Variants in HSPH1 observed in about 807,000 individuals in gnomAD.
HSPH1 encodes heat shock protein family H (Hsp110) member 1, also known as heat shock protein 105 kDa.
HSPH1 carries 40 observed loss-of-function variants against 100.0 expected under a neutral mutation model. The observed-to-expected ratio is 0.40, with a 90% CI of 0.31 to 0.52. The LOEUF (loss-of-function observed/expected upper bound fraction) is 0.52. Among genes scored for constraint, HSPH1 ranks in the 20% least tolerant of loss-of-function variants. HSPH1 has a pLI of 0.54. For synonymous variants in HSPH1, 403 were observed against 344.0 expected, an observed-to-expected ratio of 1.17 and a Z score of -1.90; for missense variants, 876 against 1,015.1, an observed-to-expected ratio of 0.86 and a Z score of 1.86.
chr13:31,155,002 A>T (rs114860873), intron 3 of HSPH1, among the ~76,000 whole-genome samples: 1 of 152,212 alleles, frequency 6.6e-6, no homozygotes, highest in Admixed American at 6.5e-5. Context: ...GGAGCGGAAG[A>T]AAGCTAGGGC....
chr13:31,158,311 G>C (rs7319250), intron 2 of HSPH1, among the ~76,000 whole-genome samples: 2 of 152,220 alleles, frequency 1.3e-5, no homozygotes, highest in East Asian at 3.9e-4. Context: ...AGCACTTTGG[G>C]AGGCTGAGAC....
intron 2 of HSPH1, 116 bp downstream of exon 2, chr13:31,158,690 T>C: frequency 1.5e-6 from 1 of 661,744 alleles, no homozygotes; most frequent in Non-Finnish European, 2.7e-6. Context: ...ATTACATTTT[T>C]AAAACTCAAA....
rs1593224004 is a variant in HSPH1 at position 31,161,708 on chromosome 13, C to T, written c.-126G>A. On this transcript the variant is annotated 5_prime_UTR_variant, in exon 1 of 18. Transcript: ENST00000320027. ...TCCGGCCCGCGGGGTCTGGCCGTTC[C>T]TCTGACACTCAGAAGGACACACAGA... The T allele has an allele frequency of 1.1e-5, 17 of 1,537,376 alleles. No homozygotes were observed. In the East Asian group the frequency reaches 4.1e-4, roughly 37 times the overall value.
rs1956907183 is a variant in HSPH1 at position 31,161,452 on chromosome 13, CCACCCTCG to C, written c.107+16_107+23del. 1 of 1,613,352 alleles carries C rather than the reference CCACCCTCG, an allele frequency of 6.2e-7. No individual in the cohort carries two copies. The highest frequency in any genetic ancestry group is 1.3e-5 in the African/African-American group (1 of 74,920). Reference sequence around the variant, plus strand: ...CTAAGGGCCCAGAACCTCCTCCCATCCACCCTCGCAGACTCCCACTTACGGGGTGCACC... The same window carrying C: ...CTAAGGGCCCAGAACCTCCTCCCATCCAGACTCCCACTTACGGGGTGCACC... On this transcript the variant is annotated intron_variant, in intron 1 of 17. Coordinates refer to ENST00000320027, the MANE Select transcript of HSPH1 (RefSeq NM_006644.4).
At chr13:31,161,208 C>T (rs1956894413) in intron 1 of HSPH1, among the ~76,000 whole-genome samples, 1 of 152,196 alleles carries the variant, frequency 6.6e-6, no homozygotes, top group Non-Finnish European at 1.5e-5. Flanking sequence ...AATAGGAAGC[C>T]CGCACAAGGT....
rs766688571 is a variant in HSPH1, at chr13:31,148,376, T to C, written c.1242A>G (p.Glu414=). The C allele has an allele frequency of 1.2e-5, 19 of 1,521,684 alleles. No homozygotes were observed. The South Asian group carries it at 1.7e-4, about 14-fold the overall frequency. The allele number at this position is 1,521,684 out of a possible 1,614,324, so 94.3% of individuals were successfully genotyped here. ...GAATGTTATTTTCTGCTACATACCC[T>C]TCAGTATCTTCTGAATCATGGTTCC... is the stretch of plus-strand genomic sequence containing the variant. The part of the protein sequence containing the change: ...LIWNHDSEDT[E]GVHEVFSRNH... The change falls in exon 9 of 18, where the codon GAA becomes GAG. Residue 414 remains glutamate, a splice_region_variant and synonymous_variant. Coordinates refer to ENST00000320027, the MANE Select transcript of HSPH1 (RefSeq NM_006644.4).
At position 31,143,868 on chromosome 13, in the gene HSPH1, T is replaced by C. The variant is rs762781343; in HGVS notation, c.1640A>G (p.Asp547Gly). The change falls in exon 12 of 18, where the codon GAT becomes GGT. Residue 547 changes from aspartate to glycine, a missense_variant. Transcript: ENST00000320027. ...EAGTQPQVQT[D>G]AQQTSQSPPS... ...GGGAGACTGTGAGGTTTGTTGAGCA[T>C]CAGTTTGTACCTGGGGCTGTGTTCC... 2.4e-5 allele frequency: 38 copies of C among 1,611,742 alleles called. No individual in the cohort carries two copies. The South Asian group carries it at 4.2e-4, about 18-fold the overall frequency.
chr13:31,155,966 G>C (rs1410513270), intron 2 of HSPH1, among the ~76,000 whole-genome samples: 2 of 152,086 alleles, frequency 1.3e-5, no homozygotes. Context: ...TATCACTAAA[G>C]CTCTGAACAA....
chr13:31,143,593 C>T (rs1371280274), intron 12 of HSPH1, among the ~76,000 whole-genome samples, 199 bp downstream of exon 12: 1 of 152,090 alleles, frequency 6.6e-6, no homozygotes, highest in African/African-American at 2.4e-5. Flanking sequence ...AAGTTTAAAG[C>T]AGGACATTCA....
At chr13:31,154,496 G>T in intron 4 of HSPH1, 137 bp downstream of exon 4, 1 of 989,030 alleles carries the variant, frequency 1.0e-6, no homozygotes, top group Non-Finnish European at 1.6e-6. Flanking sequence ...GTAATGCTCT[G>T]GAACACATGT....
intron 8 of HSPH1, among the ~76,000 whole-genome samples, chr13:31,149,155 T>C (rs1323014977): frequency 6.6e-6 from 1 of 152,098 alleles, no homozygotes; most frequent in Non-Finnish European, 1.5e-5. Flanking sequence ...TAAGGAGGCA[T>C]ATTCCATTAT....
rs992397608 is a variant in HSPH1 at position 31,137,377 on chromosome 13, G to A, written c.2518C>T (p.His840Tyr). ...DKNNFGAEPP[H>Y]QNGECYPNEK... ...TTAGGGTAACATTCACCATTCTGAT[G>A]TGGAGGTTCAGCACCAAAATTGTTT... is the stretch of plus-strand genomic sequence containing the variant. Residue 840 changes from histidine to tyrosine, a missense_variant, in exon 18 of 18, where the codon CAT becomes TAT. By Grantham distance (83) the His-to-Tyr change is moderately conservative. Transcript: ENST00000320027. The A allele has an allele frequency of 1.2e-6, 2 of 1,613,372 alleles. No individual in the cohort carries two copies. The highest frequency in any genetic ancestry group is 2.7e-5 in the African/African-American group (2 of 74,986).
chr13:31,138,994 A>T lies in HSPH1; in HGVS notation c.2088+6T>A, dbSNP rs1253893480. On this transcript the variant is annotated splice_donor_region_variant and intron_variant, in intron 15 of 17. Transcript: ENST00000320027. ...GTACCACCTTTTGGGGGAGAAAACGACCTACCATTAATTCTTCCAACTTGT... is the reference window on the plus strand; with the variant it reads ...GTACCACCTTTTGGGGGAGAAAACGTCCTACCATTAATTCTTCCAACTTGT... 3 of 1,604,274 alleles carry T rather than the reference A, an allele frequency of 1.9e-6. No homozygotes were observed. Among genetic ancestry groups the T allele is most frequent in the Non-Finnish European group, 1.7e-6 (2 of 1,171,586 alleles).
Position 31,161,566 on chromosome 13 carries a change from A to C in HSPH1, c.17T>G (p.Leu6Trp). 5.0e-6 allele frequency: 8 copies of C among 1,613,310 alleles called. No homozygotes were observed. The highest frequency in any genetic ancestry group is 6.8e-6 in the Non-Finnish European group (8 of 1,179,780). Residue 6 changes from leucine (L) to tryptophan (W), a missense_variant, in exon 1 of 18, where the codon TTG (leucine) becomes TGG (tryptophan). Transcript: ENST00000320027. The part of the protein sequence containing the change: MSVVG[L>W]DVGSQSCYIA... ...GTAGCAGCTCTGCGAGCCCACGTCCAACCCCACCACCGACATGGCCGGCTC... is the reference window on the plus strand; with the variant it reads ...GTAGCAGCTCTGCGAGCCCACGTCCCACCCCACCACCGACATGGCCGGCTC...
At chr13:31,152,344 A>G (rs566524216) in intron 5 of HSPH1, 2 of 152,940 alleles carry the variant, frequency 1.3e-5, no homozygotes, top group African/African-American at 4.8e-5. Context: ...ATCTGTAATC[A>G]TAATAAACTA....
intron 4 of HSPH1, chr13:31,153,887 A>C (rs960591512): frequency 6.6e-6 from 1 of 151,460 alleles, no homozygotes; most frequent in Non-Finnish European, 1.5e-5. Flanking sequence ...CCACTGACTT[A>C]TAACTTAATT....
At chr13:31,146,724 A>G (rs148230308) in intron 10 of HSPH1, among the ~76,000 whole-genome samples, 68 of 152,306 alleles carry the variant, frequency 4.5e-4, no homozygotes, top group Non-Finnish European at 5.1e-4. Flanking sequence ...GACCTGTTAC[A>G]AAAGTTACCT....
rs1470128916 is a variant in HSPH1, at chr13:31,140,297, T to C, written c.1867A>G (p.Met623Val). ...CTTTCTTTTTCCAATTTATCTTGCA[T>C]TATCATCTTACCCTGTCAGGAAACA... ...MYIETEGKMI[M>V]QDKLEKERND... Residue 623 changes from methionine to valine, a missense_variant, in exon 14 of 18, where the codon ATG (methionine) becomes GTG (valine). By Grantham distance (21) the Met-to-Val change is conservative. Coordinates refer to ENST00000320027, the MANE Select transcript of HSPH1 (RefSeq NM_006644.4). 6.2e-7 allele frequency: 1 copy of C among 1,609,782 alleles called. No homozygotes were observed. The highest frequency in any genetic ancestry group is 1.3e-5 in the African/African-American group (1 of 74,806).
chr13:31,142,376 G>A (rs372870657), intron 12 of HSPH1, among the ~76,000 whole-genome samples: 1 of 151,960 alleles, frequency 6.6e-6, no homozygotes, highest in African/African-American at 2.4e-5. Context: ...GTATCACTAC[G>A]GATGAGCTAG....
Sources: gnomAD v4.1 joint callset for allele counts (sites outside exome capture counted in the v4.1 genomes callset) on GRCh38, gnomAD v4.1.1 for gene constraint, MANE v1.5 for transcripts, NCBI Gene and HGNC (gene_info 2026-07-23, HGNC 2026-07-21) for gene names.